The following KHDRBS2 variants were observed in gnomAD, a reference collection of about 807,000 sequenced individuals.
KHDRBS2 encodes KH RNA binding domain containing, signal transduction associated 2, also known as KH domain-containing, RNA-binding, signal transduction-associated protein 2.
A neutral mutation model predicts 44.3 loss-of-function variants in KHDRBS2; 26 were observed. The observed-to-expected ratio is 0.59, with a 90% CI of 0.43 to 0.81. The LOEUF is 0.81. Ranked by LOEUF, KHDRBS2 falls within the 40% of genes least tolerant of loss-of-function variation. The pLI is 0.00. For missense variants in KHDRBS2, 476 were observed against 433.1 expected (o/e 1.10, Z -0.88); for synonymous variants, 194 against 151.1 (o/e 1.28, Z -2.08).
At chr6:62,003,190 G>T (rs1029212432) in intron 3 of KHDRBS2, among the ~76,000 whole-genome samples, 3 of 151,952 alleles carry the variant, frequency 2.0e-5, no homozygotes, top group African/African-American at 7.3e-5. Context: ...GAGGTGGGAG[G>T]ATGACTTGAG....
intron 6 of KHDRBS2, among the ~76,000 whole-genome samples, chr6:61,771,294 C>T (rs568249063): frequency 6.6e-6 from 1 of 152,228 alleles, no homozygotes; most frequent in Non-Finnish European, 1.5e-5. Context: ...AGCAAAATAA[C>T]CAGCTAACAT....
In KHDRBS2 at chr6:62,026,704, C is replaced by T. The variant is rs115343498; in HGVS notation, c.336+21174G>A. Among the ~76,000 whole-genome samples the T allele has an allele frequency of 1.7e-3, 251 of 151,918 alleles. 1 individual carries two copies. The highest frequency in any genetic ancestry group is 5.9e-3 in the African/African-American group (244 of 41,462). ...AAATTATTGGGATTAAGGTGTGAGCCCCCAAGCCCAGTGCTTTTCTGCATA... is the reference window on the plus strand; with the variant it reads ...AAATTATTGGGATTAAGGTGTGAGCTCCCAAGCCCAGTGCTTTTCTGCATA... On this transcript the variant is annotated intron_variant, in intron 3 of 8. Transcript: ENST00000281156.
At chr6:61,549,693 A>C in the KHDRBS2 span, among the ~76,000 whole-genome samples, 1 of 152,156 alleles carries the variant, frequency 6.6e-6, no homozygotes, top group African/African-American at 2.4e-5. Flanking sequence ...GACGATTGTG[A>C]ATATTTTTCT....
At chr6:62,172,814 A>C (rs1820329703) in intron 2 of KHDRBS2, among the ~76,000 whole-genome samples, 1 of 151,936 alleles carries the variant, frequency 6.6e-6, no homozygotes, top group Admixed American at 6.6e-5. Context: ...ATTACGTGGA[A>C]ATTAACCTGC....
intron 2 of KHDRBS2, among the ~76,000 whole-genome samples, chr6:62,142,291 T>C (rs1812993962): frequency 6.6e-6 from 1 of 152,042 alleles, no homozygotes; most frequent in Admixed American, 6.6e-5. Context: ...TAAATTGTCT[T>C]GTTTTAGGTC....
chr6:61,929,864 C>T (rs1809685893), intron 4 of KHDRBS2, among the ~76,000 whole-genome samples: 1 of 152,054 alleles, frequency 6.6e-6, no homozygotes, highest in Non-Finnish European at 1.5e-5. Context: ...CTCTGGGTTG[C>T]CTCAGTCTCC....
intron 2 of KHDRBS2, among the ~76,000 whole-genome samples, chr6:62,146,166 C>T (rs959638298): frequency 6.6e-6 from 1 of 151,796 alleles, no homozygotes; most frequent in African/African-American, 2.4e-5. Flanking sequence ...CTTCTCTATT[C>T]TACTGAAAGG....
chr6:61,619,874 A>G, the KHDRBS2 span, among the ~76,000 whole-genome samples: 2 of 152,310 alleles, frequency 1.3e-5, no homozygotes, highest in African/African-American at 4.8e-5. Context: ...TTGTGCTTCT[A>G]TAAACATATA....
At chr6:61,953,262 T>C (rs549309917) in intron 4 of KHDRBS2, among the ~76,000 whole-genome samples, 71 of 152,078 alleles carry the variant, frequency 4.7e-4, no homozygotes, top group Non-Finnish European at 2.9e-4. Context: ...CTGTCTTAAA[T>C]GATGCCATCC....
intron 4 of KHDRBS2, among the ~76,000 whole-genome samples, chr6:61,909,934 T>C (rs987860209): frequency 2.0e-5 from 3 of 152,236 alleles, no homozygotes; most frequent in African/African-American, 7.2e-5. Context: ...TTATAGCCAC[T>C]GGTAACATGT....
chr6:62,162,892 G>A (rs1817941781), intron 2 of KHDRBS2, among the ~76,000 whole-genome samples: 1 of 152,046 alleles, frequency 6.6e-6, no homozygotes, highest in African/African-American at 2.4e-5. Context: ...CACCAGCTGA[G>A]ACAGTGTAGA....
rs561493357 is a variant in KHDRBS2, at chr6:62,178,114, T to C, written c.92-802A>G. Among the ~76,000 whole-genome samples the C allele has an allele frequency of 1.3e-3, 201 of 151,582 alleles. 2 individuals carry two copies. Among genetic ancestry groups the C allele is most frequent in the Admixed American group, 0.013 (199 of 15,154 alleles). On this transcript the variant is annotated intron_variant, in intron 1 of 8. Transcript: ENST00000281156. ...GAATATATGGGCACACATACAGTTA[T>C]GGCTGGGGGCAAATAATAAACACAA...
intron 2 of KHDRBS2, among the ~76,000 whole-genome samples, chr6:62,089,499 C>T (rs753835689): frequency 6.6e-6 from 1 of 152,124 alleles, no homozygotes; most frequent in African/African-American, 2.4e-5. Context: ...TGACCCCTTG[C>T]ACTTTTCAGG....
intron 7 of KHDRBS2, among the ~76,000 whole-genome samples, chr6:61,712,222 T>C (rs1770623247): frequency 6.6e-6 from 1 of 151,924 alleles, no homozygotes; most frequent in East Asian, 1.9e-4. Context: ...CAGAAAAACA[T>C]ACTCTGCCAC....
At chr6:62,202,000 A>T (rs1362559371) in intron 1 of KHDRBS2, among the ~76,000 whole-genome samples, 1 of 152,092 alleles carries the variant, frequency 6.6e-6, no homozygotes, top group Non-Finnish European at 1.5e-5. Context: ...ACTCTAAGTA[A>T]TTACTTAAAT....
rs114626625 is a variant in KHDRBS2 at position 61,993,956 on chromosome 6, C to T, written c.337-15744G>A. On this transcript the variant is annotated intron_variant, in intron 3 of 8. Coordinates refer to ENST00000281156, the MANE Select transcript of KHDRBS2 (RefSeq NM_152688.4). Reference sequence around the variant, plus strand: ...CTCAATGATAACTGTCAAACTCACACGTGATAATCATATTTTACCTCATAT... The same window carrying T: ...CTCAATGATAACTGTCAAACTCACATGTGATAATCATATTTTACCTCATAT... Among the ~76,000 whole-genome samples the T allele has an allele frequency of 3.7e-3, 568 of 152,044 alleles. 5 individuals carry two copies. The highest frequency in any genetic ancestry group is 0.013 in the African/African-American group (526 of 41,482).
intron 4 of KHDRBS2, among the ~76,000 whole-genome samples, chr6:61,974,937 T>A (rs200254622): frequency 3.5e-4 from 1 of 2,820 alleles, no homozygotes; most frequent in African/African-American, 6.6e-3. Context: ...TCTTAAAAAA[T>A]AAATAAATAA....
chr6:61,656,601 T>A, the KHDRBS2 span, among the ~76,000 whole-genome samples: 1 of 151,968 alleles, frequency 6.6e-6, no homozygotes, highest in South Asian at 2.1e-4. Flanking sequence ...TGCAAAATAA[T>A]TAAAAAGTCC....
At chr6:61,977,713 G>A (rs1772975422) in intron 4 of KHDRBS2, among the ~76,000 whole-genome samples, 1 of 151,920 alleles carries the variant, frequency 6.6e-6, no homozygotes, top group Non-Finnish European at 1.5e-5. Context: ...CCTATTAATT[G>A]TAAATTGCAA....
Sources: gnomAD v4.1 joint callset for allele counts (sites outside exome capture counted in the v4.1 genomes callset) on GRCh38, gnomAD v4.1.1 for gene constraint, MANE v1.5 for transcripts, NCBI Gene and HGNC (gene_info 2026-07-23, HGNC 2026-07-21) for gene names.